CYP27A1: variants seen among roughly 807,000 people sequenced by gnomAD.
CYP27A1 encodes the protein cytochrome P450 family 27 subfamily A member 1.
CYP27A1 carries 46 observed loss-of-function variants against 58.2 expected under a neutral mutation model. That is an observed-to-expected ratio of 0.79 (90% confidence interval 0.62 to 1.01). The LOEUF (loss-of-function observed/expected upper bound fraction) is 1.01. Among genes scored for constraint, CYP27A1 ranks in the 50% least tolerant of loss-of-function variants. CYP27A1 has a pLI of 0.00. For missense variants in CYP27A1, 704 were observed against 687.0 expected, an observed-to-expected ratio of 1.02 and a Z score of -0.28; for synonymous variants, 274 against 285.1, an observed-to-expected ratio of 0.96 and a Z score of 0.39.
At chr2:218,808,667 G>T (rs929510368) in intron 1 of CYP27A1, among the ~76,000 whole-genome samples, 1 of 152,174 alleles carries the variant, frequency 6.6e-6, no homozygotes, top group Non-Finnish European at 1.5e-5. Context: ...TAGGAAAGAT[G>T]AAGTGCCCAG....
chr2:218,800,211 G>A (rs1249245335), intron 1 of CYP27A1, among the ~76,000 whole-genome samples: 1 of 152,148 alleles, frequency 6.6e-6, no homozygotes, highest in Non-Finnish European at 1.5e-5. Flanking sequence ...GGGGAGGCCA[G>A]TGAAGAGTGG....
chr2:218,796,023 G>A (rs559658309), intron 1 of CYP27A1, among the ~76,000 whole-genome samples: 28 of 152,322 alleles, frequency 1.8e-4, no homozygotes, highest in Admixed American at 1.6e-3. Context: ...AAGGTCCCAA[G>A]ATAAACTCGG....
In CYP27A1 at chr2:218,782,436, A is replaced by T; in HGVS notation, c.254A>T (p.Gln85Leu). The change falls in exon 1 of 9, where the codon CAG (glutamine) becomes CTG (leucine). Residue 85 changes from glutamine to leucine, a missense_variant and splice_region_variant. By Grantham distance (113) the Gln-to-Leu change is moderately radical (BLOSUM62 -2). Transcript: ENST00000258415. The surrounding 1 kb of genome is among the most constrained non-coding windows in gnomAD (Gnocchi z 4.1). The part of the protein sequence containing the change: ...QGYALQLHQL[Q>L]VLYKAKYGPM... ...TATGCCCTGCAACTGCACCAGTTAC[A>T]GGTAACCCGCGGGGGCATCGCGTCC... The T allele has an allele frequency of 6.2e-7, 1 of 1,614,190 alleles. No individual in the cohort carries two copies.
intron 1 of CYP27A1, among the ~76,000 whole-genome samples, chr2:218,808,672 G>A (rs1271206862): frequency 1.3e-5 from 2 of 152,122 alleles, no homozygotes; most frequent in South Asian, 4.1e-4. Context: ...AAGATGAAGT[G>A]CCCAGGAAAC....
chr2:218,803,506 C>T (rs1457813021), intron 1 of CYP27A1, among the ~76,000 whole-genome samples: 2 of 152,128 alleles, frequency 1.3e-5, no homozygotes, highest in African/African-American at 4.8e-5. Flanking sequence ...GCACTGCAAC[C>T]TCTGCCTCCC....
At chr2:218,794,068 G>C (rs1286818409) in intron 1 of CYP27A1, among the ~76,000 whole-genome samples, 1 of 152,184 alleles carries the variant, frequency 6.6e-6, no homozygotes, top group Non-Finnish European at 1.5e-5. Context: ...TAAAGCTAGA[G>C]AGGTGCCTGT....
intron 1 of CYP27A1, among the ~76,000 whole-genome samples, chr2:218,800,278 G>C (rs1469404259): frequency 2.0e-5 from 3 of 152,058 alleles, no homozygotes; most frequent in African/African-American, 7.2e-5. Flanking sequence ...CAGTCTTCAA[G>C]GCTCAGGGAA....
Position 218,812,213 on chromosome 2 carries a change from T to A in CYP27A1, c.447-9T>A, listed in dbSNP as rs1185815022. The stretch of plus-strand genomic sequence containing the variant: ...CTTATCTTTGTGCTGTTCCTCTGCG[T>A]CCCTGCAGGGAAGGACACCACTGGT... On this transcript the variant is annotated splice_polypyrimidine_tract_variant and intron_variant, in intron 2 of 8. Coordinates refer to ENST00000258415, the MANE Select transcript of CYP27A1 (RefSeq NM_000784.4). 3 of 1,612,908 alleles carry A rather than the reference T, an allele frequency of 1.9e-6. No homozygotes were observed. The highest frequency in any genetic ancestry group is 2.2e-5 in the East Asian group (1 of 44,886).
intron 2 of CYP27A1, among the ~76,000 whole-genome samples, chr2:218,811,004 A>G (rs952981471): frequency 1.3e-5 from 2 of 152,176 alleles, no homozygotes; most frequent in African/African-American, 2.4e-5. Context: ...ACAAAAAATT[A>G]GCTGGGTGTG....
At chr2:218,804,576 A>G (rs1273089563) in intron 1 of CYP27A1, among the ~76,000 whole-genome samples, 2 of 152,220 alleles carry the variant, frequency 1.3e-5, no homozygotes, top group Non-Finnish European at 2.9e-5. Flanking sequence ...CATTTCTGCA[A>G]AAAGGCTATG....
chr2:218,786,716 G>A (rs1943444107), intron 1 of CYP27A1, among the ~76,000 whole-genome samples: 1 of 152,132 alleles, frequency 6.6e-6, no homozygotes, highest in Non-Finnish European at 1.5e-5. Context: ...GTGCCCAGGA[G>A]ATTAATGATT....
chr2:218,797,675 T>G (rs1388258391), intron 1 of CYP27A1, among the ~76,000 whole-genome samples: 1 of 152,220 alleles, frequency 6.6e-6, no homozygotes, highest in Non-Finnish European at 1.5e-5. Flanking sequence ...CCTGATGTTA[T>G]GAAATAGAAT....
chr2:218,784,947 C>T (rs369542587), intron 1 of CYP27A1, among the ~76,000 whole-genome samples: 45 of 152,254 alleles, frequency 3.0e-4, no homozygotes, highest in African/African-American at 1.0e-3. Context: ...GACAATTTTT[C>T]CATGGACTGG....
chr2:218,795,019 G>A (rs902540481), intron 1 of CYP27A1, among the ~76,000 whole-genome samples: 1 of 152,098 alleles, frequency 6.6e-6, no homozygotes, highest in Admixed American at 6.5e-5. Flanking sequence ...GTGTCAAAGC[G>A]GCCTGAACCC....
chr2:218,802,845 C>T (rs1055610137), intron 1 of CYP27A1, among the ~76,000 whole-genome samples: 5 of 152,110 alleles, frequency 3.3e-5, no homozygotes, highest in African/African-American at 1.2e-4. Flanking sequence ...TTTGCATTTC[C>T]TTAATGACAA....
At chr2:218,803,416 G>A (rs915742376) in intron 1 of CYP27A1, among the ~76,000 whole-genome samples, 8 of 151,726 alleles carry the variant, frequency 5.3e-5, no homozygotes, top group Admixed American at 2.0e-4. Flanking sequence ...AATGTCCTTC[G>A]AGGCACAAAA....
At position 218,782,503 on chromosome 2, in the gene CYP27A1, A is replaced by G. The variant is rs773257024; in HGVS notation, c.255+66A>G. The G allele has an allele frequency of 3.1e-6, 5 of 1,602,628 alleles. No homozygotes were observed. The highest frequency in any genetic ancestry group is 4.3e-6 in the Non-Finnish European group (5 of 1,171,748). On this transcript the variant is annotated intron_variant, in intron 1 of 8. Transcript: ENST00000258415. The surrounding 1 kb of genome is among the most constrained non-coding windows in gnomAD (Gnocchi z 4.1). ...CACCGGAACAGAGAGGCTAGAGGTGAGAAGACGTTGGACAGAAAGTGAAGG... is the reference window on the plus strand; with the variant it reads ...CACCGGAACAGAGAGGCTAGAGGTGGGAAGACGTTGGACAGAAAGTGAAGG...
At chr2:218,806,615 G>A (rs546445733) in intron 1 of CYP27A1, among the ~76,000 whole-genome samples, 1 of 152,352 alleles carries the variant, frequency 6.6e-6, no homozygotes, top group African/African-American at 2.4e-5. Context: ...TTTCCAGTTA[G>A]AAGGACATAG....
chr2:218,809,342 G>A (rs989621568), intron 1 of CYP27A1, among the ~76,000 whole-genome samples: 4 of 151,258 alleles, frequency 2.6e-5, no homozygotes, highest in East Asian at 1.9e-4. Context: ...CACCAGACAC[G>A]CATTGCTCTA....
Sources: allele counts gnomAD v4.1 joint callset (sites outside exome capture counted in the v4.1 genomes callset), GRCh38; gene constraint gnomAD v4.1.1; non-coding constraint Gnocchi (gnomAD v3.1); transcripts MANE v1.5; gene names NCBI Gene and HGNC (gene_info 2026-07-23, HGNC 2026-07-21).